The following TIMM44 variants were observed in gnomAD, a reference collection of about 807,000 sequenced individuals.
TIMM44 encodes the protein translocase of inner mitochondrial membrane 44.
TIMM44 carries 37 observed loss-of-function variants against 63.8 expected under a neutral mutation model. The observed-to-expected ratio is 0.58, with a 90% confidence interval of 0.45 to 0.76. The LOEUF (loss-of-function observed/expected upper bound fraction) is 0.76. Among genes scored for constraint, TIMM44 ranks in the 30% least tolerant of loss-of-function variants. The pLI is 0.00. For synonymous variants in TIMM44, 239 were observed against 245.1 expected (o/e 0.98, Z 0.23); for missense variants, 573 against 603.8 (o/e 0.95, Z 0.54).
intron 10 of TIMM44, among the ~76,000 whole-genome samples, chr19:7,929,796 C>T (rs1292758050): frequency 6.6e-6 from 1 of 152,112 alleles, no homozygotes; most frequent in Non-Finnish European, 1.5e-5. Context: ...CCCCCAGACA[C>T]CTCATTTTAC....
chr19:7,935,172 T>G, intron 3 of TIMM44, 27 bp from the exon 4 acceptor site: 1 of 1,499,282 alleles, frequency 6.7e-7, no homozygotes, highest in Non-Finnish European at 9.1e-7. Context: ...GTGTCCTTTT[T>G]TTTTTTTTTT....
chr19:7,928,220 CCACA>C, intron 10 of TIMM44, 54 bp from the exon 11 acceptor site: 1 of 1,464,526 alleles, frequency 6.8e-7, no homozygotes, highest in Admixed American at 1.8e-5. Context: ...GGGCACCACG[CCACA>C]CAGAGCTGCT....
In TIMM44 at chr19:7,933,754, G is replaced by A. The variant is rs1175777627; in HGVS notation, c.683+110C>T. On this transcript the variant is annotated intron_variant, in intron 6 of 12. Transcript: ENST00000270538. This position sits in a 1 kb window ranked among gnomAD's most constrained non-coding sequence, Gnocchi z 4.3. ...AGGGAGCCGGGAACCTTGGGCAGAA[G>A]GCAAACTCAAGAAACGGACTCAGGA... 1.3e-6 allele frequency: 2 copies of A among 1,540,394 alleles called. No individual in the cohort carries two copies. The highest frequency in any genetic ancestry group is 1.7e-5 in the Admixed American group (1 of 59,692).
At chr19:7,935,401 G>A in intron 3 of TIMM44, 1 of 491,774 alleles carries the variant, frequency 2.0e-6, no homozygotes, top group Admixed American at 3.3e-5. Context: ...CTGACCTCAA[G>A]TGATCCACCC....
chr19:7,927,592 G>A (rs1261618427), intron 12 of TIMM44, 65 bp downstream of exon 12: 19 of 1,482,402 alleles, frequency 1.3e-5, no homozygotes, highest in South Asian at 4.5e-5. Context: ...TCTGCCAGGT[G>A]GCCACACACA....
chr19:7,935,024 T>G (rs565310861), intron 4 of TIMM44, 41 bp downstream of exon 4: 17 of 1,581,092 alleles, frequency 1.1e-5, no homozygotes, highest in Non-Finnish European at 1.5e-5. Flanking sequence ...CCAGGGGACT[T>G]TGATGGCCCC....
rs546175544 is a variant in TIMM44 at position 7,934,821 on chromosome 19, C to G, written c.393+244G>C. Among the ~76,000 whole-genome samples the G allele has an allele frequency of 6.6e-6, 1 of 152,174 alleles. No homozygotes were observed. Among genetic ancestry groups the G allele is most frequent in the Non-Finnish European group, 1.5e-5 (1 of 68,018 alleles). ...AGGAAAAACATTTTCATGTTCTCCT[C>G]GAGTCCTGGCTAGCAGCACTTACTG... On this transcript the variant is annotated intron_variant, in intron 4 of 12. Transcript: ENST00000270538. This position sits in a 1 kb window ranked among gnomAD's most constrained non-coding sequence, Gnocchi z 5.3.
chr19:7,929,591 A>T (rs1199485322), intron 10 of TIMM44, among the ~76,000 whole-genome samples: 1 of 152,004 alleles, frequency 6.6e-6, no homozygotes, highest in Non-Finnish European at 1.5e-5. Context: ...TTCTGTGATC[A>T]CACTTCATTC....
chr19:7,936,532 G>A (rs1168987188), intron 3 of TIMM44, among the ~76,000 whole-genome samples: 1 of 152,196 alleles, frequency 6.6e-6, no homozygotes, highest in African/African-American at 2.4e-5. Flanking sequence ...ACCCGTGGCA[G>A]GTGCCTGCAT....
chr19:7,941,782 A>T (rs926461726), intron 1 of TIMM44, among the ~76,000 whole-genome samples: 1 of 152,054 alleles, frequency 6.6e-6, no homozygotes, highest in Admixed American at 6.6e-5. Flanking sequence ...CCATGGGGGG[A>T]AGAAGGCTAA....
chr19:7,937,626 G>A (rs528724748), intron 3 of TIMM44, among the ~76,000 whole-genome samples: 1 of 152,296 alleles, frequency 6.6e-6, no homozygotes, highest in South Asian at 2.1e-4. Flanking sequence ...TTCCTCACGA[G>A]CCACCCTGCC....
Position 7,943,633 on chromosome 19 carries a change from G to C in TIMM44, c.19C>G (p.Arg7Gly). ...CGTGGACAGCGGCACCAGCCACTCC[G>C]CAGGGCCGCCGCCGCCATGTTGGAG... MAAAAL[R>G]SGWCRCPRRC... Residue 7 changes from arginine to glycine, a missense_variant, in exon 1 of 13, where the codon CGG becomes GGG. Physicochemically the swap from Arg to Gly is moderately radical, Grantham distance 125 (BLOSUM62 -2). Transcript: ENST00000270538. The surrounding 1 kb of genome is among the most constrained non-coding windows in gnomAD (Gnocchi z 4.3). The C allele has an allele frequency of 2.5e-6, 4 of 1,569,478 alleles. No homozygotes were observed. The highest frequency in any genetic ancestry group is 1.4e-5 in the African/African-American group (1 of 74,044).
intron 9 of TIMM44, chr19:7,931,396 C>T: frequency 1.7e-6 from 1 of 605,686 alleles, no homozygotes; most frequent in Non-Finnish European, 3.0e-6. Flanking sequence ...CTGGCCTAGG[C>T]ACAGGCGGAG....
intron 1 of TIMM44, among the ~76,000 whole-genome samples, chr19:7,942,390 G>A (rs140495339): frequency 8.6e-5 from 13 of 152,006 alleles, no homozygotes; most frequent in African/African-American, 3.1e-4. Flanking sequence ...AGGAGTTTGA[G>A]ACCAGCCTGG....
rs1219943448 is a variant in TIMM44 at position 7,928,079 on chromosome 19, C to T, written c.1126G>A (p.Asp376Asn). 6.2e-6 allele frequency: 10 copies of T among 1,613,678 alleles called. No homozygotes were observed. Among genetic ancestry groups the T allele is most frequent in the South Asian group, 1.1e-5 (1 of 91,026 alleles). The part of the protein sequence containing the change: ...HSRILDIDNV[D>N]LAMGKMMEQG... ...GGCCCCCACTGCGAGGTGCTTACGT[C>T]GACGTTGTCAATGTCTAGGATGCGA... is the stretch of plus-strand genomic sequence containing the variant. Residue 376 changes from aspartate (D) to asparagine (N), a missense_variant and splice_region_variant, in exon 11 of 13, where the codon GAC (aspartate) becomes AAC (asparagine). Transcript: ENST00000270538.
intron 8 of TIMM44, 33 bp downstream of exon 8, chr19:7,932,807 C>T (rs370551339): frequency 1.2e-6 from 2 of 1,614,020 alleles, no homozygotes; most frequent in East Asian, 2.2e-5. Context: ...CGCCCCACCA[C>T]CAGCCTGCGA....
In TIMM44 at chr19:7,932,776, CG is replaced by C; in HGVS notation, c.863-26del. ...CCTGCAGGGAGCAGAGCCGGGAGTT[CG>C]GGGGGAAGGCCGGGGACCCCGCCCC... On this transcript the variant is annotated intron_variant, in intron 8 of 12. Coordinates refer to ENST00000270538, the MANE Select transcript of TIMM44 (RefSeq NM_006351.4). 2.5e-6 allele frequency: 4 copies of C among 1,613,952 alleles called. No homozygotes were observed. The African/African-American group carries it at 4.0e-5, about 16-fold the overall frequency.
At chr19:7,932,008 G>A (rs988381900) in intron 9 of TIMM44, among the ~76,000 whole-genome samples, 7 of 152,244 alleles carry the variant, frequency 4.6e-5, no homozygotes, top group African/African-American at 1.4e-4. Context: ...GTCCCATGAA[G>A]GGCCTTCCAG....
At chr19:7,930,355 C>T (rs1463733484) in intron 10 of TIMM44, among the ~76,000 whole-genome samples, 1 of 142,072 alleles carries the variant, frequency 7.0e-6, no homozygotes, top group Non-Finnish European at 1.5e-5. Context: ...GTTGCCCAGG[C>T]TGAAGTGCAG....
Sources: gnomAD v4.1 joint callset for allele counts (sites outside exome capture counted in the v4.1 genomes callset) on GRCh38, gnomAD v4.1.1 for gene constraint, Gnocchi (gnomAD v3.1) non-coding constraint, MANE v1.5 for transcripts, NCBI Gene and HGNC (gene_info 2026-07-23, HGNC 2026-07-21) for gene names.